Variants in PLA2G4A observed in about 807,000 individuals in gnomAD.
PLA2G4A encodes the protein phospholipase A2 group IVA, also known as cytosolic phospholipase A2.
Under a neutral mutation model 81.9 loss-of-function variants are expected in PLA2G4A, and 40 were observed. The ratio of observed to expected loss-of-function variants is 0.49; its 90% CI spans 0.38 to 0.64. The LOEUF is 0.64. PLA2G4A is among the 30% of genes least tolerant of loss of function. The probability of loss-of-function intolerance (pLI) is 0.00; values close to 1 mark genes in which losing one functional copy is unlikely to be tolerated. For synonymous variants in PLA2G4A, 302 were observed against 296.9 expected (o/e 1.02, Z -0.18); for missense variants, 715 against 905.1 (o/e 0.79, Z 2.69).
intron 2 of PLA2G4A, among the ~76,000 whole-genome samples, chr1:186,858,392 G>A (rs573754815): frequency 6.6e-6 from 1 of 152,234 alleles, no homozygotes; most frequent in South Asian, 2.1e-4. Context: ...TCTGTTGGCT[G>A]CATAGATGTC....
At chr1:186,841,270 C>T (rs1651970208) in intron 1 of PLA2G4A, among the ~76,000 whole-genome samples, 1 of 151,956 alleles carries the variant, frequency 6.6e-6, no homozygotes, top group Non-Finnish European at 1.5e-5. Flanking sequence ...TGGACCAATC[C>T]CAAGGAGAAA....
At chr1:186,882,576 G>C (rs1425384692) in intron 3 of PLA2G4A, among the ~76,000 whole-genome samples, 1 of 152,088 alleles carries the variant, frequency 6.6e-6, no homozygotes, top group Non-Finnish European at 1.5e-5. Flanking sequence ...GGCTGAGAAG[G>C]GTCACTGACT....
chr1:186,846,864 C>G (rs972160083), intron 1 of PLA2G4A, among the ~76,000 whole-genome samples: 1 of 151,846 alleles, frequency 6.6e-6, no homozygotes, highest in Non-Finnish European at 1.5e-5. Flanking sequence ...AGTGGTTGCT[C>G]TAGGAATTAA....
At chr1:186,831,050 T>C (rs1651569541) in intron 1 of PLA2G4A, among the ~76,000 whole-genome samples, 2 of 151,684 alleles carry the variant, frequency 1.3e-5, no homozygotes, top group African/African-American at 2.4e-5. Context: ...TTCTTTCTTT[T>C]CTTTTTCTTT....
intron 3 of PLA2G4A, among the ~76,000 whole-genome samples, chr1:186,879,740 A>G (rs959801270): frequency 1.1e-4 from 16 of 151,702 alleles, no homozygotes; most frequent in African/African-American, 3.9e-4. Context: ...ACTTTACATT[A>G]TACATACTTT....
intron 3 of PLA2G4A, among the ~76,000 whole-genome samples, chr1:186,889,390 G>T (rs1654054345): frequency 6.6e-6 from 1 of 152,114 alleles, no homozygotes; most frequent in South Asian, 2.1e-4. Context: ...TGAAGGTCGG[G>T]GTCTATGTTT....
intron 3 of PLA2G4A, among the ~76,000 whole-genome samples, chr1:186,882,923 C>T (rs113397018): frequency 1.2e-4 from 18 of 151,356 alleles, no homozygotes; most frequent in South Asian, 2.1e-4. Flanking sequence ...CTAGGCCAGA[C>T]GGTTAGAAAA....
At chr1:186,831,306 G>A (rs1651580242) in intron 1 of PLA2G4A, among the ~76,000 whole-genome samples, 1 of 152,078 alleles carries the variant, frequency 6.6e-6, no homozygotes, top group Non-Finnish European at 1.5e-5. Flanking sequence ...GGAACTAACA[G>A]TGGATATTGT....
At chr1:186,852,952 T>C (rs949545124) in intron 1 of PLA2G4A, among the ~76,000 whole-genome samples, 16 of 152,020 alleles carry the variant, frequency 1.1e-4, no homozygotes, top group Admixed American at 3.3e-4. Flanking sequence ...AAATGCTGTA[T>C]ACATTTTGAG....
intron 8 of PLA2G4A, among the ~76,000 whole-genome samples, chr1:186,934,886 T>G (rs935981646): frequency 6.6e-6 from 1 of 152,140 alleles, no homozygotes; most frequent in South Asian, 2.1e-4. Context: ...ATTTCTCTCC[T>G]TAATGTGGGC....
intron 3 of PLA2G4A, among the ~76,000 whole-genome samples, chr1:186,891,748 C>T (rs1208205430): frequency 1.3e-5 from 2 of 152,180 alleles, no homozygotes; most frequent in Non-Finnish European, 2.9e-5. Context: ...GTAAATAGTG[C>T]TGCAATAAAC....
At position 186,931,567 on chromosome 1, in the gene PLA2G4A, A is replaced by T. The variant is rs946731438; in HGVS notation, c.559-1196A>T. On this transcript the variant is annotated intron_variant, in intron 7 of 17. Coordinates refer to ENST00000367466, the MANE Select transcript of PLA2G4A (RefSeq NM_024420.3). Reference sequence around the variant, plus strand: ...TATTATTATTATTATTACACTGCCTATATACTCAACCCCCTTTCAAGGCTT... The same window carrying T: ...TATTATTATTATTATTACACTGCCTTTATACTCAACCCCCTTTCAAGGCTT... Among the ~76,000 whole-genome samples, 7 of 150,128 alleles carry T rather than the reference A, an allele frequency of 4.7e-5. No homozygotes were observed. In the Admixed American group the frequency reaches 4.7e-4, roughly 10 times the overall value.
chr1:186,907,259 A>G (rs1654771562), intron 6 of PLA2G4A, among the ~76,000 whole-genome samples: 1 of 152,184 alleles, frequency 6.6e-6, no homozygotes, highest in African/African-American at 2.4e-5. Context: ...TAATGTCAGA[A>G]TAAGTGCTTT....
chr1:186,857,123 C>T (rs1359167154), intron 2 of PLA2G4A, among the ~76,000 whole-genome samples: 84 of 4,152 alleles, frequency 0.02, 4 homozygotes, highest in African/African-American at 0.095. Context: ...ATATAATATT[C>T]TATAATATAT....
chr1:186,970,254 C>T (rs1277975936), intron 15 of PLA2G4A, among the ~76,000 whole-genome samples: 1 of 151,216 alleles, frequency 6.6e-6, no homozygotes, highest in Non-Finnish European at 1.5e-5. Context: ...TTTAAAAATC[C>T]GATTGTTTTT....
chr1:186,941,809 A>G (rs1357640577), intron 10 of PLA2G4A, among the ~76,000 whole-genome samples: 2 of 152,190 alleles, frequency 1.3e-5, no homozygotes, highest in African/African-American at 4.8e-5. Flanking sequence ...AAAGAAGTTA[A>G]GGCACAAGAG....
At chr1:186,868,348 G>A (rs1653113593) in intron 2 of PLA2G4A, among the ~76,000 whole-genome samples, 1 of 152,194 alleles carries the variant, frequency 6.6e-6, no homozygotes, top group Non-Finnish European at 1.5e-5. Flanking sequence ...AAAGTGCTGG[G>A]ATTACAGGCG....
At chr1:186,941,378 A>T (rs980912502) in intron 10 of PLA2G4A, among the ~76,000 whole-genome samples, 1 of 152,200 alleles carries the variant, frequency 6.6e-6, no homozygotes, top group Admixed American at 6.5e-5. Flanking sequence ...TAGTTTACAA[A>T]AATTAGCACA....
intron 3 of PLA2G4A, among the ~76,000 whole-genome samples, chr1:186,883,530 T>G (rs552752065): frequency 6.6e-6 from 1 of 152,214 alleles, no homozygotes; most frequent in Non-Finnish European, 1.5e-5. Context: ...TGCAACTTGG[T>G]TTTGACTACA....
Sources: allele counts gnomAD v4.1 joint callset (sites outside exome capture counted in the v4.1 genomes callset), GRCh38; gene constraint gnomAD v4.1.1; transcripts MANE v1.5; gene names NCBI Gene and HGNC (gene_info 2026-07-23, HGNC 2026-07-21).